LLGL1: variants seen among roughly 807,000 people sequenced by gnomAD.
The protein encoded by LLGL1 is lethal(2) giant larvae protein homolog 1.
A neutral mutation model predicts 110.6 loss-of-function variants in LLGL1; 58 were observed. The observed-to-expected ratio is 0.52, with a 90% confidence interval of 0.42 to 0.65. The LOEUF (loss-of-function observed/expected upper bound fraction) is 0.65. LLGL1 is among the 30% of genes least tolerant of loss of function. The pLI, the probability that LLGL1 is intolerant of heterozygous loss-of-function variation, is 0.00. For missense variants in LLGL1, 1,229 were observed against 1,462.1 expected (o/e 0.84, Z 2.60); for synonymous variants, 674 against 607.2 (o/e 1.11, Z -1.62).
rs145026326 is a variant in LLGL1 at position 18,234,052 on chromosome 17, C to T, written c.591C>T (p.Pro197=). The change falls in exon 6 of 23, where the codon CCC becomes CCT. Residue 197 remains proline (P), a synonymous_variant. Coordinates refer to ENST00000316843, the MANE Select transcript of LLGL1 (RefSeq NM_004140.4). ...ACCGCTGTGGGAAGGCACTGGGCCCCGTGGAGTCACTCCAGGGACACCTGC... is the reference window on the plus strand; with the variant it reads ...ACCGCTGTGGGAAGGCACTGGGCCCTGTGGAGTCACTCCAGGGACACCTGC... ...DDYRCGKALG[P]VESLQGHLRD... is the part of the protein sequence containing the mutation. The T allele has an allele frequency of 1.7e-5, 28 of 1,601,730 alleles. No individual in the cohort carries two copies. In the African/African-American group the frequency reaches 1.9e-4, roughly 11 times the overall value.
Position 18,228,248 on chromosome 17 carries a change from G to A in LLGL1, c.82-1693G>A, listed in dbSNP as rs149487642. Among the ~76,000 whole-genome samples the A allele has an allele frequency of 1.5e-3, 222 of 152,364 alleles. 1 individual carries two copies. Among genetic ancestry groups the A allele is most frequent in the Middle Eastern group, 6.8e-3 (2 of 294 alleles). On this transcript the variant is annotated intron_variant, in intron 1 of 22. Coordinates refer to ENST00000316843, the MANE Select transcript of LLGL1 (RefSeq NM_004140.4). Reference sequence around the variant, plus strand: ...AGGGGGTGAGAGGTGTGGCCAGGGCGGCTGCTGCAGCCAGGGTGGCCTTGG... The same window carrying A: ...AGGGGGTGAGAGGTGTGGCCAGGGCAGCTGCTGCAGCCAGGGTGGCCTTGG...
At chr17:18,232,927 G>A in intron 4 of LLGL1, 125 bp downstream of exon 4, 1 of 1,269,844 alleles carries the variant, frequency 7.9e-7, no homozygotes, top group Non-Finnish European at 1.1e-6. Context: ...CTTGAGCTGG[G>A]CCTGGGTCCC....
intron 8 of LLGL1, 49 bp from the exon 9 acceptor site, chr17:18,234,790 G>A (rs2047653392): frequency 6.2e-7 from 1 of 1,613,918 alleles, no homozygotes; most frequent in African/African-American, 1.3e-5. Flanking sequence ...TGCAGTATGT[G>A]CTCTGGACCC....
chr17:18,234,827 C>T lies in LLGL1; in HGVS notation c.906-12C>T, dbSNP rs139981531. The T allele has an allele frequency of 2.7e-3, 4,341 of 1,613,428 alleles. 14 individuals are homozygous for T. Among genetic ancestry groups the T allele is most frequent in the Non-Finnish European group, 3.2e-3 (3,754 of 1,179,974 alleles). On this transcript the variant is annotated splice_polypyrimidine_tract_variant and intron_variant, in intron 8 of 22. Coordinates refer to ENST00000316843, the MANE Select transcript of LLGL1 (RefSeq NM_004140.4). ...AGTGGTTCATGGCTCGCACACCTCC[C>T]TCTGCACATAGGGGCCACTTTATCA... is the stretch of plus-strand genomic sequence containing the variant.
rs1163122256 is a variant in LLGL1, at chr17:18,244,818, T to C, written c.*912T>C. On this transcript the variant is annotated 3_prime_UTR_variant, in exon 23 of 23. Coordinates refer to ENST00000316843, the MANE Select transcript of LLGL1 (RefSeq NM_004140.4). Reference sequence around the variant, plus strand: ...CGTTTTGTTAAAATTAGCGCCATTTTAATATTAAAAATACTGATTTTTAAT... The same window carrying C: ...CGTTTTGTTAAAATTAGCGCCATTTCAATATTAAAAATACTGATTTTTAAT... The C allele has an allele frequency of 2.6e-6, 1 of 378,524 alleles. No individual in the cohort carries two copies. The highest frequency in any genetic ancestry group is 4.7e-6 in the Non-Finnish European group (1 of 213,592). 23.4% of individuals were successfully genotyped at this position (378,524 alleles called of 1,614,324 possible).
At chr17:18,230,547 G>A (rs963258467) in intron 2 of LLGL1, among the ~76,000 whole-genome samples, 1 of 149,830 alleles carries the variant, frequency 6.7e-6, no homozygotes, top group South Asian at 2.1e-4. Context: ...TGGGCTGTGT[G>A]AGCCACACAA....
chr17:18,238,547 C>T lies in LLGL1; in HGVS notation c.2144C>T (p.Ala715Val), dbSNP rs186632359. 5.4e-4 allele frequency: 871 copies of T among 1,613,048 alleles called. 4 individuals are homozygous for T. The highest frequency in any genetic ancestry group is 2.6e-5 in the Non-Finnish European group (31 of 1,180,008). The change falls in exon 16 of 23, where the codon GCC becomes GTC. Residue 715 changes from alanine (A) to valine (V), a missense_variant. By Grantham distance (64) the Ala-to-Val change is moderately conservative. Coordinates refer to ENST00000316843, the MANE Select transcript of LLGL1 (RefSeq NM_004140.4). ...PVQRRIEPRS[A>V]DDSLSGVVRC... ...CAGCGCCGCATTGAGCCCCGCTCTGCCGATGACTCCTTGTCGGGTGTCGTG... is the reference window on the plus strand; with the variant it reads ...CAGCGCCGCATTGAGCCCCGCTCTGTCGATGACTCCTTGTCGGGTGTCGTG...
chr17:18,234,510 G>C, intron 7 of LLGL1, 102 bp downstream of exon 7: 1 of 1,577,346 alleles, frequency 6.3e-7, no homozygotes. Context: ...GGGGTGGTCT[G>C]GGGGCAGTGT....
chr17:18,232,028 G>GC (rs1249333859), intron 2 of LLGL1, among the ~76,000 whole-genome samples: 4 of 152,176 alleles, frequency 2.6e-5, no homozygotes, highest in Non-Finnish European at 2.9e-5. Flanking sequence ...GGACTCTTCT[G>GC]CCCCCTGGCT....
At chr17:18,236,556 G>A (rs540162098) in intron 11 of LLGL1, 51 bp from the exon 12 acceptor site, 29 of 1,560,942 alleles carry the variant, frequency 1.9e-5, no homozygotes, top group African/African-American at 1.6e-4. Context: ...ATGGAGGGGC[G>A]TGCAGGCCTC....
chr17:18,243,208 T>C (rs1425544605), intron 22 of LLGL1, among the ~76,000 whole-genome samples: 4 of 152,084 alleles, frequency 2.6e-5, no homozygotes, highest in East Asian at 3.9e-4. Context: ...CCTGGGTTCA[T>C]GCCATTCTCC....
At chr17:18,241,818 C>T (rs2047839631) in intron 18 of LLGL1, 67 bp from the exon 19 acceptor site, 1 of 1,605,834 alleles carries the variant, frequency 6.2e-7, no homozygotes, top group Non-Finnish European at 8.5e-7. Context: ...GGCACAGGCC[C>T]AGGCCACGGA....
chr17:18,232,301 A>G (rs1055836089), intron 2 of LLGL1, among the ~76,000 whole-genome samples, 194 bp from the exon 3 acceptor site: 1 of 152,160 alleles, frequency 6.6e-6, no homozygotes, highest in Non-Finnish European at 1.5e-5. Flanking sequence ...CTGCACACTG[A>G]TCTTGGGGAT....
chr17:18,236,576 C>G (rs755260803), intron 11 of LLGL1, 31 bp from the exon 12 acceptor site: 1 of 1,586,964 alleles, frequency 6.3e-7, no homozygotes, highest in Non-Finnish European at 8.6e-7. Context: ...CCCAGGAACT[C>G]GGGTAGCCCT....
chr17:18,229,371 C>T (rs1234003894), intron 1 of LLGL1, among the ~76,000 whole-genome samples: 5 of 152,122 alleles, frequency 3.3e-5, no homozygotes, highest in African/African-American at 1.2e-4. Context: ...GAAAGCTACC[C>T]CTCTCTGGGC....
rs1232416032 is a variant in LLGL1, at chr17:18,240,445, C to T, written c.2207-133C>T. ...GGCATGGGGCAGGAGGGAATCAGCC[C>T]TGAGTCCCAGGGTGTCATAGTTAGG... On this transcript the variant is annotated intron_variant, in intron 16 of 22. Coordinates refer to ENST00000316843, the MANE Select transcript of LLGL1 (RefSeq NM_004140.4). This position sits in a 1 kb window ranked among gnomAD's most constrained non-coding sequence, Gnocchi z 5.3. 15 of 1,132,332 alleles carry T rather than the reference C, an allele frequency of 1.3e-5. No individual in the cohort carries two copies. The Admixed American group carries it at 3.2e-4, about 25-fold the overall frequency. The allele number at this position is 1,132,332 out of a possible 1,614,324, so 70.1% of individuals were successfully genotyped here. A position where few individuals can be genotyped will look rare whatever the true frequency, so the allele number is the denominator to read the frequency against.
intron 13 of LLGL1, 36 bp downstream of exon 13, chr17:18,236,975 G>A (rs367826344): frequency 1.4e-5 from 21 of 1,543,944 alleles, no homozygotes; most frequent in African/African-American, 2.7e-5. Flanking sequence ...GAGATGTCAG[G>A]GAGGGCTTTC....
chr17:18,242,298 G>T lies in LLGL1; in HGVS notation c.2995+20G>T. Reference sequence around the variant, plus strand: ...GACCTGGTGAGGGGGGCATGAAAGGGGTCCAGACCCTGGCCCCACGGTGCC... The same window carrying T: ...GACCTGGTGAGGGGGGCATGAAAGGTGTCCAGACCCTGGCCCCACGGTGCC... On this transcript the variant is annotated intron_variant, in intron 20 of 22. Coordinates refer to ENST00000316843, the MANE Select transcript of LLGL1 (RefSeq NM_004140.4). 1 of 1,603,614 alleles carries T rather than the reference G, an allele frequency of 6.2e-7. No individual in the cohort carries two copies. The highest frequency in any genetic ancestry group is 1.3e-5 in the African/African-American group (1 of 74,810).
At position 18,237,583 on chromosome 17, in the gene LLGL1, G is replaced by A. The variant is rs753120323; in HGVS notation, c.1714G>A (p.Glu572Lys). The A allele has an allele frequency of 2.4e-5, 38 of 1,610,316 alleles. No individual in the cohort carries two copies. The highest frequency in any genetic ancestry group is 1.2e-4 in the African/African-American group (9 of 74,860). The stretch of plus-strand genomic sequence containing the variant: ...CGAGGGCTTCACATGGAAGGGCCAC[G>A]AGCGGCTGAGCCCACGCACGGGGCC... ...DREGFTWKGH[E>K]RLSPRTGPLP... The change falls in exon 14 of 23, where the codon GAG becomes AAG. Residue 572 changes from glutamate (E) to lysine (K), a missense_variant. By Grantham distance (56) the Glu-to-Lys change is moderately conservative. Transcript: ENST00000316843.
Sources: allele counts gnomAD v4.1 joint callset (sites outside exome capture counted in the v4.1 genomes callset), GRCh38; gene constraint gnomAD v4.1.1; non-coding constraint Gnocchi (gnomAD v3.1); transcripts MANE v1.5; gene names NCBI Gene and HGNC (gene_info 2026-07-23, HGNC 2026-07-21).